SDCCAG8: variants seen among roughly 807,000 people sequenced by gnomAD.
SDCCAG8 encodes the protein serologically defined colon cancer antigen 8.
A neutral mutation model predicts 101.8 loss-of-function variants in SDCCAG8; 74 were observed. The observed-to-expected ratio is 0.73, with a 90% CI of 0.60 to 0.88. The LOEUF (loss-of-function observed/expected upper bound fraction) is 0.88. Ranked by LOEUF, SDCCAG8 falls within the 40% of genes least tolerant of loss-of-function variation. SDCCAG8 has a pLI of 0.00. For synonymous variants in SDCCAG8, 281 were observed against 292.9 expected (o/e 0.96, Z 0.41); for missense variants, 787 against 822.6 (o/e 0.96, Z 0.53).
chr1:243,307,677 T>C (rs2072292720), intron 7 of SDCCAG8: 1 of 1,245,300 alleles, frequency 8.0e-7, no homozygotes, highest in South Asian at 2.0e-5. Flanking sequence ...TTGTGGTTAA[T>C]ATAACATTAA....
At chr1:243,256,302 A>G (rs1339406101) in intron 1 of SDCCAG8, 62 bp downstream of exon 1, 4 of 1,412,932 alleles carry the variant, frequency 2.8e-6, no homozygotes, top group Admixed American at 1.7e-5. Flanking sequence ...GGGCGGGAGC[A>G]GACCAGGTGC....
chr1:243,327,882 C>G (rs1448029799), intron 9 of SDCCAG8, among the ~76,000 whole-genome samples: 1 of 152,034 alleles, frequency 6.6e-6, no homozygotes, highest in Non-Finnish European at 1.5e-5. Context: ...AAAGTAAAAG[C>G]TATTTTTGTT....
At chr1:243,356,484 G>T (rs1409350822) in intron 12 of SDCCAG8, among the ~76,000 whole-genome samples, 1 of 151,814 alleles carries the variant, frequency 6.6e-6, no homozygotes, top group African/African-American at 2.4e-5. Context: ...ACATTCTAAA[G>T]GCATTTATAC....
chr1:243,457,515 C>G (rs938351443), intron 16 of SDCCAG8, among the ~76,000 whole-genome samples: 3 of 152,086 alleles, frequency 2.0e-5, no homozygotes, highest in Admixed American at 6.6e-5. Flanking sequence ...CAGTGGCTTC[C>G]CATTATTGAC....
intron 1 of SDCCAG8, among the ~76,000 whole-genome samples, chr1:243,259,278 G>T (rs915017508): frequency 6.6e-6 from 1 of 151,842 alleles, no homozygotes; most frequent in Non-Finnish European, 1.5e-5. Flanking sequence ...GTGGTGGCGG[G>T]CGCCTGTAGT....
intron 12 of SDCCAG8, among the ~76,000 whole-genome samples, chr1:243,352,977 G>C (rs2147821978): frequency 6.6e-6 from 1 of 152,250 alleles, no homozygotes; most frequent in South Asian, 2.1e-4. Context: ...CACTATGACA[G>C]ATTTAGAGCC....
chr1:243,486,690 T>A (rs2148251796), intron 16 of SDCCAG8, among the ~76,000 whole-genome samples: 1 of 152,344 alleles, frequency 6.6e-6, no homozygotes, highest in East Asian at 1.9e-4. Flanking sequence ...TGCCATCCCT[T>A]TTCAGGAGTT....
chr1:243,483,890 G>A (rs1441682565), intron 16 of SDCCAG8, among the ~76,000 whole-genome samples: 3 of 152,202 alleles, frequency 2.0e-5, no homozygotes, highest in African/African-American at 7.2e-5. Context: ...AGCTAGGGGG[G>A]TCGTGCGGGC....
At chr1:243,402,291 A>G (rs969241035) in intron 13 of SDCCAG8, among the ~76,000 whole-genome samples, 26 of 152,034 alleles carry the variant, frequency 1.7e-4, no homozygotes, top group African/African-American at 6.3e-4. Context: ...TTAGCCAGGC[A>G]TGATGGCGCA....
Position 243,344,281 on chromosome 1 carries a change from C to T in SDCCAG8, c.1423C>T (p.His475Tyr), listed in dbSNP as rs190941099. ...NMEKDEAEKE[H>Y]REFRAKTNRD... ...GGAGAAGGATGAGGCAGAAAAGGAG[C>T]ACAGAGAGTTCAGAGCAAAAACTAA... The change falls in exon 12 of 18, where the codon CAC becomes TAC. Residue 475 changes from histidine (H) to tyrosine (Y), a missense_variant. Transcript: ENST00000366541. 53 of 1,613,942 alleles carry T rather than the reference C, an allele frequency of 3.3e-5. No homozygotes were observed. In the East Asian group the frequency reaches 8.3e-4, roughly 25 times the overall value.
intron 11 of SDCCAG8, among the ~76,000 whole-genome samples, chr1:243,341,691 T>C (rs941975146): frequency 2.0e-5 from 3 of 152,212 alleles, no homozygotes; most frequent in African/African-American, 7.2e-5. Context: ...TTATTGGTGC[T>C]TAAATTTATA....
intron 16 of SDCCAG8, among the ~76,000 whole-genome samples, chr1:243,469,074 A>T (rs1660713413): frequency 6.6e-6 from 1 of 152,252 alleles, no homozygotes; most frequent in Non-Finnish European, 1.5e-5. Context: ...GCTTAGGATC[A>T]TGCTCAGATT....
intron 17 of SDCCAG8, among the ~76,000 whole-genome samples, chr1:243,496,515 G>C (rs1255966720): frequency 6.6e-6 from 1 of 152,236 alleles, no homozygotes; most frequent in African/African-American, 2.4e-5. Context: ...TGGCCAAACA[G>C]AGACAGCGTG....
intron 12 of SDCCAG8, among the ~76,000 whole-genome samples, chr1:243,359,959 T>C (rs1358884266): frequency 3.3e-5 from 5 of 152,266 alleles, no homozygotes; most frequent in Admixed American, 3.3e-4. Flanking sequence ...TTTTTATATT[T>C]AGTTGTTCTA....
At position 243,447,694 on chromosome 1, in the gene SDCCAG8, C is replaced by A. The variant is rs79029889; in HGVS notation, c.1985+21136C>A. 4.0e-3 allele frequency among the ~76,000 whole-genome samples: 606 copies of A among 152,242 alleles called. 6 individuals carry two copies. The highest frequency in any genetic ancestry group is 0.014 in the African/African-American group (576 of 41,540). On this transcript the variant is annotated intron_variant, in intron 16 of 17. Coordinates refer to ENST00000366541, the MANE Select transcript of SDCCAG8 (RefSeq NM_006642.5). ...TGGAACATACTGCATAAACTATGTA[C>A]TTTTTAGAGAGTCAGAATGTACATT...
rs76202278 is a variant in SDCCAG8 at position 243,330,993 on chromosome 1, C to T, written c.1221+301C>T. 2.5e-4 allele frequency among the ~76,000 whole-genome samples: 38 copies of T among 152,270 alleles called. No individual in the cohort carries two copies. The East Asian group carries it at 6.4e-3, about 26-fold the overall frequency. On this transcript the variant is annotated intron_variant, in intron 10 of 17. Transcript: ENST00000366541. ...TTCCCTCTCTCGTGTTTCCCAGAGT[C>T]GTGCTATGAAGATACCCAGATTTTA... is the stretch of plus-strand genomic sequence containing the variant.
chr1:243,466,467 A>T (rs774588389), intron 16 of SDCCAG8, among the ~76,000 whole-genome samples: 2 of 152,178 alleles, frequency 1.3e-5, no homozygotes, highest in Admixed American at 6.5e-5. Flanking sequence ...TCCTGTCTCT[A>T]CTATTTCTGT....
intron 6 of SDCCAG8, among the ~76,000 whole-genome samples, chr1:243,303,019 A>T (rs2071690748): frequency 6.6e-6 from 1 of 152,250 alleles, no homozygotes; most frequent in Non-Finnish European, 1.5e-5. Flanking sequence ...CAGTCAATCA[A>T]GGAAATCATG....
At chr1:243,289,348 C>T (rs1179927421) in intron 5 of SDCCAG8, among the ~76,000 whole-genome samples, 1 of 152,128 alleles carries the variant, frequency 6.6e-6, no homozygotes, top group Non-Finnish European at 1.5e-5. Flanking sequence ...ATGGTGCCCA[C>T]CCAGATTAAG....
Sources: gnomAD v4.1 joint callset for allele counts (sites outside exome capture counted in the v4.1 genomes callset) on GRCh38, gnomAD v4.1.1 for gene constraint, MANE v1.5 for transcripts, NCBI Gene and HGNC (gene_info 2026-07-23, HGNC 2026-07-21) for gene names.